Variants in SLC4A8 observed in about 807,000 individuals in gnomAD.
SLC4A8 encodes solute carrier family 4 member 8, also known as electroneutral sodium bicarbonate exchanger 1.
SLC4A8 carries 40 observed loss-of-function variants against 125.0 expected under a neutral mutation model. That is an observed-to-expected ratio of 0.32 (90% confidence interval 0.25 to 0.42). The LOEUF is 0.42. Among genes scored for constraint, SLC4A8 ranks in the 10% least tolerant of loss-of-function variants. SLC4A8 has a pLI of 1.00. For missense variants in SLC4A8, 863 were observed against 1,355.1 expected (o/e 0.64, Z 5.70); for synonymous variants, 456 against 476.0 (o/e 0.96, Z 0.55).
intron 1 of SLC4A8, among the ~76,000 whole-genome samples, chr12:51,413,024 A>T (rs1948622771): frequency 6.6e-6 from 1 of 152,192 alleles, no homozygotes; most frequent in Non-Finnish European, 1.5e-5. Flanking sequence ...AATAATACAC[A>T]TTGTTACTAT....
intron 1 of SLC4A8, among the ~76,000 whole-genome samples, chr12:51,408,333 G>A (rs911687615): frequency 7.2e-5 from 11 of 152,114 alleles, no homozygotes; most frequent in African/African-American, 2.7e-4. Context: ...GGGTTCAAGT[G>A]ACTCTCATGT....
chr12:51,471,611 G>A, intron 14 of SLC4A8, 79 bp downstream of exon 14: 1 of 1,477,532 alleles, frequency 6.8e-7, no homozygotes, highest in South Asian at 1.3e-5. Flanking sequence ...GCTAGGCAGT[G>A]CTTACAGCTT....
chr12:51,472,622 A>G (rs7971859), intron 14 of SLC4A8, among the ~76,000 whole-genome samples: 81,532 of 151,384 alleles, frequency 0.54, 22,017 homozygotes, highest in African/African-American at 0.57. Context: ...ACCAAGCACC[A>G]TTTTAGGCCT....
rs533007012 is a variant in SLC4A8 at position 51,485,392 on chromosome 12, TGCAAATAGACTG to T, written c.2173-392_2173-381del. 4.1e-3 allele frequency among the ~76,000 whole-genome samples: 620 copies of T among 152,222 alleles called. 5 individuals carry two copies. The highest frequency in any genetic ancestry group is 0.014 in the African/African-American group (577 of 41,522). On this transcript the variant is annotated intron_variant, in intron 16 of 24. Transcript: ENST00000453097. ...TTCTGAAGGGAGAGCCAATAGGACT[TGCAAATAGACTG>T]GCTATTGGGTATGAGGGAGAAGTGG...
At chr12:51,453,964 A>G (rs575182985) in intron 5 of SLC4A8, among the ~76,000 whole-genome samples, 2 of 152,288 alleles carry the variant, frequency 1.3e-5, no homozygotes, top group Admixed American at 6.5e-5. Context: ...TTTATTTTGT[A>G]TCTGCTATAT....
chr12:51,405,651 C>T (rs929955833), intron 1 of SLC4A8, among the ~76,000 whole-genome samples: 1 of 152,228 alleles, frequency 6.6e-6, no homozygotes, highest in African/African-American at 2.4e-5. Flanking sequence ...CCACCTGGGC[C>T]TTCCAAAGTG....
chr12:51,483,154 T>C (rs1156476373), intron 16 of SLC4A8, among the ~76,000 whole-genome samples: 1 of 152,174 alleles, frequency 6.6e-6, no homozygotes, highest in East Asian at 1.9e-4. Context: ...TGGTGGAGGC[T>C]GAGCCTGTTG....
chr12:51,397,705 T>C (rs1310352555), intron 1 of SLC4A8, among the ~76,000 whole-genome samples: 1 of 150,362 alleles, frequency 6.7e-6, no homozygotes, highest in Non-Finnish European at 1.5e-5. Context: ...TACATATAAA[T>C]TTCATCAATT....
chr12:51,402,155 G>A (rs1410690018), intron 1 of SLC4A8, among the ~76,000 whole-genome samples: 1 of 152,146 alleles, frequency 6.6e-6, no homozygotes, highest in Non-Finnish European at 1.5e-5. Flanking sequence ...AGATTTGACA[G>A]GCATATATGG....
intron 1 of SLC4A8, among the ~76,000 whole-genome samples, chr12:51,439,557 G>A (rs1191629000): frequency 6.6e-6 from 1 of 151,716 alleles, no homozygotes; most frequent in Admixed American, 6.6e-5. Context: ...GAGAATGGTA[G>A]TTCCAGGAAG....
chr12:51,461,085 T>G (rs1950310996), intron 8 of SLC4A8, 119 bp from the exon 9 acceptor site: 1 of 503,944 alleles, frequency 2.0e-6, no homozygotes, highest in South Asian at 3.6e-5. Context: ...TTTTTTTTTT[T>G]GAAGGTACAG....
At position 51,435,313 on chromosome 12, in the gene SLC4A8, T is replaced by C. The variant is rs141972268; in HGVS notation, c.49-5395T>C. On this transcript the variant is annotated intron_variant, in intron 1 of 24. Transcript: ENST00000453097. ...TTCCCTTTTCATTTAGTCTCTCCCA[T>C]AATGAGAAGCTTTTCTCATCTACTC... 9.2e-5 allele frequency among the ~76,000 whole-genome samples: 14 copies of C among 152,332 alleles called. No individual in the cohort carries two copies. In the South Asian group the frequency reaches 1.2e-3, roughly 14 times the overall value.
intron 1 of SLC4A8, among the ~76,000 whole-genome samples, chr12:51,434,783 A>C (rs916149496): frequency 1.3e-5 from 2 of 152,160 alleles, no homozygotes; most frequent in Non-Finnish European, 2.9e-5. Flanking sequence ...ATTGATTCCT[A>C]TCCTCTGGAT....
At chr12:51,425,374 G>T in intron 1 of SLC4A8, 1 of 1,139,466 alleles carries the variant, frequency 8.8e-7, no homozygotes, top group South Asian at 3.2e-5. Flanking sequence ...GCGTTGTCCT[G>T]CCAGAACGTG....
At chr12:51,435,585 G>A (rs976965351) in intron 1 of SLC4A8, among the ~76,000 whole-genome samples, 9 of 151,958 alleles carry the variant, frequency 5.9e-5, no homozygotes, top group East Asian at 3.9e-4. Context: ...TAGTGAGACC[G>A]CCCGCCCCAA....
At position 51,426,037 on chromosome 12, in the gene SLC4A8, A is replaced by G. The variant is rs1448190588; in HGVS notation, c.48+1002A>G. On this transcript the variant is annotated intron_variant, in intron 1 of 24. Coordinates refer to ENST00000453097, the MANE Select transcript of SLC4A8 (RefSeq NM_001039960.3). ...GGGTTGGAAGAGGAGGCAAGTCTGA[A>G]GTACAGGGCTCTGAAGAGGGTAATG... Among the ~76,000 whole-genome samples, 3 of 152,144 alleles carry G rather than the reference A, an allele frequency of 2.0e-5. No individual in the cohort carries two copies. In the South Asian group the frequency reaches 6.2e-4, roughly 31 times the overall value.
At chr12:51,477,358 C>G (rs932906838) in intron 16 of SLC4A8, among the ~76,000 whole-genome samples, 2 of 152,068 alleles carry the variant, frequency 1.3e-5, no homozygotes, top group Non-Finnish European at 2.9e-5. Context: ...TGGTATTAAG[C>G]AAGTAAATAT....
chr12:51,415,814 G>A (rs1234818798), intron 1 of SLC4A8, among the ~76,000 whole-genome samples: 1 of 148,210 alleles, frequency 6.7e-6, no homozygotes, highest in Non-Finnish European at 1.5e-5. Context: ...ATCAGGTACA[G>A]TGTTCACCAG....
At chr12:51,469,502 C>G in intron 11 of SLC4A8, 112 bp from the exon 12 acceptor site, 1 of 930,312 alleles carries the variant, frequency 1.1e-6, no homozygotes, top group East Asian at 2.6e-5. Flanking sequence ...AAACTGAAGC[C>G]AAAGTCTTAC....
Sources: allele counts gnomAD v4.1 joint callset (sites outside exome capture counted in the v4.1 genomes callset), GRCh38; gene constraint gnomAD v4.1.1; transcripts MANE v1.5; gene names NCBI Gene and HGNC (gene_info 2026-07-23, HGNC 2026-07-21).